HIBADH: variants seen among roughly 807,000 people sequenced by gnomAD.
The protein encoded by HIBADH is 3-hydroxyisobutyrate dehydrogenase.
A neutral mutation model predicts 36.1 loss-of-function variants in HIBADH; 25 were observed. The ratio of observed to expected loss-of-function variants is 0.69; its 90% CI spans 0.50 to 0.97. The LOEUF is 0.97. Ranked by LOEUF, HIBADH falls within the 50% of genes least tolerant of loss-of-function variation. HIBADH has a pLI of 0.00. For synonymous variants in HIBADH, 160 were observed against 149.5 expected (o/e 1.07, Z -0.51); for missense variants, 421 against 418.0 (o/e 1.01, Z -0.06).
At chr7:27,603,143 C>A (rs1785160134) in intron 4 of HIBADH, among the ~76,000 whole-genome samples, 1 of 152,124 alleles carries the variant, frequency 6.6e-6, no homozygotes, top group East Asian at 1.9e-4. Context: ...ATTACCTTGG[C>A]AGCTTTTTCT....
chr7:27,577,779 A>T (rs1429503271), intron 4 of HIBADH, among the ~76,000 whole-genome samples: 1 of 152,180 alleles, frequency 6.6e-6, no homozygotes, highest in Non-Finnish European at 1.5e-5. Context: ...GCCTCCAAAA[A>T]AATTTGAGAT....
chr7:27,526,028 C>T lies in HIBADH; in HGVS notation c.*186G>A, dbSNP rs977324751. The T allele has an allele frequency of 1.6e-5, 7 of 426,682 alleles. No individual in the cohort carries two copies. Among genetic ancestry groups the T allele is most frequent in the African/African-American group, 6.1e-5 (3 of 48,810 alleles). 26.4% of individuals were successfully genotyped at this position (426,682 alleles called of 1,614,324 possible). A position where few individuals can be genotyped will look rare whatever the true frequency, so the allele number is the denominator to read the frequency against. On this transcript the variant is annotated 3_prime_UTR_variant, in exon 8 of 8. Transcript: ENST00000265395. Reference sequence around the variant, plus strand: ...ATCAGTGGCTTGCAGAAAAAAAATTCGGATAATATGTTTGTTAAAAAGACA... The same window carrying T: ...ATCAGTGGCTTGCAGAAAAAAAATTTGGATAATATGTTTGTTAAAAAGACA...
At chr7:27,622,566 C>G (rs1785565465) in intron 4 of HIBADH, among the ~76,000 whole-genome samples, 1 of 151,786 alleles carries the variant, frequency 6.6e-6, no homozygotes, top group Non-Finnish European at 1.5e-5. Context: ...AAGAGAGAAG[C>G]CTCAAATAAA....
At chr7:27,618,381 T>TG (rs778178910) in intron 4 of HIBADH, among the ~76,000 whole-genome samples, 24 of 152,224 alleles carry the variant, frequency 1.6e-4, no homozygotes, top group Non-Finnish European at 2.8e-4. Context: ...GCAACATGTC[T>TG]GGGGCTGTTG....
chr7:27,652,050 G>T (rs1203125648), intron 1 of HIBADH, among the ~76,000 whole-genome samples: 2 of 152,154 alleles, frequency 1.3e-5, no homozygotes, highest in Non-Finnish European at 2.9e-5. Flanking sequence ...AATATTTACT[G>T]CAATTTTACT....
At chr7:27,563,077 T>C (rs1053250891) in intron 4 of HIBADH, among the ~76,000 whole-genome samples, 15 of 152,154 alleles carry the variant, frequency 9.9e-5, no homozygotes, top group Admixed American at 2.0e-4. Flanking sequence ...TCAAACCCTC[T>C]TGCCTTCTCC....
At chr7:27,630,862 A>G (rs1046552197) in intron 3 of HIBADH, among the ~76,000 whole-genome samples, 6 of 152,362 alleles carry the variant, frequency 3.9e-5, no homozygotes, top group African/African-American at 9.6e-5. Flanking sequence ...ATACTCCAAG[A>G]GTATGTAGGT....
chr7:27,586,419 T>C lies in HIBADH; in HGVS notation c.484+42952A>G, dbSNP rs146102101. Among the ~76,000 whole-genome samples the C allele has an allele frequency of 8.8e-3, 1,321 of 150,746 alleles. 19 individuals carry two copies. Among genetic ancestry groups the C allele is most frequent in the African/African-American group, 0.031 (1,254 of 40,950 alleles). On this transcript the variant is annotated intron_variant, in intron 4 of 7. Transcript: ENST00000265395. The stretch of plus-strand genomic sequence containing the variant: ...GAAGGGAGGGAGGGAGGGGAAGGGG[T>C]TGATTAAAGATGGTTTCATGAATAA...
At chr7:27,614,527 T>TA (rs1785392683) in intron 4 of HIBADH, among the ~76,000 whole-genome samples, 1 of 152,202 alleles carries the variant, frequency 6.6e-6, no homozygotes, top group South Asian at 2.1e-4. Flanking sequence ...ATTGGAGATA[T>TA]AAAATTAAAT....
intron 1 of HIBADH, among the ~76,000 whole-genome samples, chr7:27,655,807 C>T (rs1786289814): frequency 6.6e-6 from 1 of 151,440 alleles, no homozygotes; most frequent in Admixed American, 6.6e-5. Flanking sequence ...AAATGCAAAA[C>T]AAAATGATGT....
At chr7:27,527,917 C>CGT in intron 7 of HIBADH, among the ~76,000 whole-genome samples, 1 of 77,038 alleles carries the variant, frequency 1.3e-5, no homozygotes, top group African/African-American at 5.5e-5. Context: ...CCACACCCAG[C>CGT]GTTTTTTTTT....
chr7:27,581,057 G>A (rs28539571), intron 4 of HIBADH, among the ~76,000 whole-genome samples: 1,728 of 152,252 alleles, frequency 0.011, 40 homozygotes, highest in African/African-American at 0.039. Context: ...GGATACCAGA[G>A]GCATAGAGAC....
chr7:27,536,439 A>G (rs956302465), intron 6 of HIBADH, among the ~76,000 whole-genome samples: 2 of 152,124 alleles, frequency 1.3e-5, no homozygotes, highest in South Asian at 2.1e-4. Flanking sequence ...TAGAAAAATG[A>G]AAGATTTAAA....
intron 4 of HIBADH, among the ~76,000 whole-genome samples, chr7:27,624,537 TG>T (rs1196659135): frequency 6.6e-6 from 1 of 152,260 alleles, no homozygotes; most frequent in African/African-American, 2.4e-5. Context: ...TGGCCTTACT[TG>T]TTCACAATTC....
intron 2 of HIBADH, among the ~76,000 whole-genome samples, chr7:27,637,534 G>A (rs1009195228): frequency 5.3e-5 from 8 of 152,110 alleles, no homozygotes; most frequent in East Asian, 1.9e-4. Context: ...CTTGAAAACC[G>A]GAACCAGGCA....
At chr7:27,625,172 T>C (rs1047768814) in intron 4 of HIBADH, among the ~76,000 whole-genome samples, 2 of 152,198 alleles carry the variant, frequency 1.3e-5, no homozygotes, top group Non-Finnish European at 2.9e-5. Context: ...CTACATTCAA[T>C]GTGTCAAACC....
intron 4 of HIBADH, among the ~76,000 whole-genome samples, chr7:27,616,061 C>T (rs1785420038): frequency 6.6e-6 from 1 of 152,172 alleles, no homozygotes; most frequent in African/African-American, 2.4e-5. Context: ...AAGCATGGCA[C>T]TAGCACCAAT....
intron 4 of HIBADH, among the ~76,000 whole-genome samples, chr7:27,554,131 G>T (rs998581246): frequency 6.6e-6 from 1 of 152,138 alleles, no homozygotes; most frequent in Non-Finnish European, 1.5e-5. Flanking sequence ...GATTACAGGC[G>T]CCCACTACCA....
At chr7:27,534,074 CAAAT>C (rs775007744) in intron 6 of HIBADH, among the ~76,000 whole-genome samples, 2 of 152,094 alleles carry the variant, frequency 1.3e-5, no homozygotes, top group South Asian at 2.1e-4. Context: ...TAATGCGTCT[CAAAT>C]AAACGTCACT....
Sources: gnomAD v4.1 joint callset for allele counts (sites outside exome capture counted in the v4.1 genomes callset) on GRCh38, gnomAD v4.1.1 for gene constraint, MANE v1.5 for transcripts, NCBI Gene and HGNC (gene_info 2026-07-23, HGNC 2026-07-21) for gene names.